Variants in FOXP2 observed in about 807,000 individuals in gnomAD.
FOXP2 encodes the protein forkhead box protein P2.
Under a neutral mutation model 115.8 loss-of-function variants are expected in FOXP2, and 12 were observed. The ratio of observed to expected loss-of-function variants is 0.10; its 90% CI spans 0.07 to 0.17. The LOEUF (loss-of-function observed/expected upper bound fraction) is 0.17, where lower values mean the gene tolerates loss of function less well. Among genes scored for constraint, FOXP2 ranks in the 10% least tolerant of loss-of-function variants. FOXP2 has a pLI of 1.00. For synonymous variants in FOXP2, 328 were observed against 297.7 expected, an observed-to-expected ratio of 1.10 and a Z score of -1.05; for missense variants, 629 against 843.5, an observed-to-expected ratio of 0.75 and a Z score of 3.15.
intron 2 of FOXP2, among the ~76,000 whole-genome samples, chr7:114,432,654 A>G (rs1188074984): frequency 1.3e-5 from 2 of 151,922 alleles, no homozygotes; most frequent in African/African-American, 4.8e-5. Context: ...ATTTACATTT[A>G]TCAAGTTTAA....
At chr7:114,398,219 A>G (rs529680478) in intron 2 of FOXP2, among the ~76,000 whole-genome samples, 119 of 152,304 alleles carry the variant, frequency 7.8e-4, no homozygotes, top group Non-Finnish European at 1.5e-3. Context: ...CAAAAATACC[A>G]TATGTAAAAT....
chr7:114,195,864 C>G (rs1033443587), intron 1 of FOXP2, among the ~76,000 whole-genome samples: 1 of 152,106 alleles, frequency 6.6e-6, no homozygotes, highest in African/African-American at 2.4e-5. Context: ...ACTCTATAGT[C>G]TCTGCTACTT....
intron 16 of FOXP2, among the ~76,000 whole-genome samples, chr7:114,672,013 A>G (rs750211750): frequency 8.5e-5 from 13 of 152,214 alleles, no homozygotes; most frequent in Non-Finnish European, 1.5e-4. Context: ...TATCATTAGA[A>G]TAGCATTAAA....
intron 3 of FOXP2, among the ~76,000 whole-genome samples, chr7:114,539,678 A>G (rs919531088): frequency 8.5e-5 from 13 of 152,072 alleles, no homozygotes; most frequent in African/African-American, 2.9e-4. Context: ...AGGCAAATTT[A>G]AAAGAATGTT....
intron 16 of FOXP2, among the ~76,000 whole-genome samples, chr7:114,680,042 T>A (rs997741722): frequency 6.6e-6 from 1 of 152,210 alleles, no homozygotes; most frequent in Non-Finnish European, 1.5e-5. Context: ...CTAGAGGTAC[T>A]TCAATTTCAG....
intron 1 of FOXP2, among the ~76,000 whole-genome samples, chr7:114,097,111 T>G (rs982444214): frequency 6.6e-6 from 1 of 152,216 alleles, no homozygotes; most frequent in Admixed American, 6.5e-5. Context: ...TATAATTGTT[T>G]TAAGCACTTT....
chr7:114,664,428 G>A lies in FOXP2; in HGVS notation c.1995G>A (p.Gln665=). Residue 665 remains glutamine (Q), a synonymous_variant, in exon 16 of 17, where the codon CAG becomes CAA. Transcript: ENST00000350908. The stretch of plus-strand genomic sequence containing the variant: ...ACAGTAGTCCGGGCTGCTCACCTCA[G>A]CCGCACATGTAAGTGTGGTTAACAG... The part of the protein sequence containing the change: ...NGNSSPGCSP[Q]PHIHSIHVKE... 1 of 1,613,378 alleles carries A rather than the reference G, an allele frequency of 6.2e-7. No individual in the cohort carries two copies. The highest frequency in any genetic ancestry group is 1.3e-5 in the African/African-American group (1 of 74,982).
intron 1 of FOXP2, among the ~76,000 whole-genome samples, chr7:114,416,786 C>T (rs940873197): frequency 6.6e-6 from 1 of 151,886 alleles, no homozygotes; most frequent in African/African-American, 2.4e-5. Context: ...TAATGATTAG[C>T]CTGTTGGTTT....
intron 2 of FOXP2, among the ~76,000 whole-genome samples, chr7:114,316,955 G>A (rs1797293309): frequency 6.6e-6 from 1 of 151,988 alleles, no homozygotes; most frequent in Non-Finnish European, 1.5e-5. Context: ...CAACTTCTGG[G>A]TCCATACAAA....
intron 2 of FOXP2, among the ~76,000 whole-genome samples, chr7:114,432,965 C>A (rs1201676724): frequency 1.3e-5 from 2 of 151,888 alleles, no homozygotes; most frequent in African/African-American, 4.8e-5. Context: ...ATTTACAGTT[C>A]ACTCCTGCAG....
At position 114,691,302 on chromosome 7, in the gene FOXP2, G is replaced by T. The variant is rs759769611; in HGVS notation, c.*1376G>T. 2.2e-6 allele frequency: 1 copy of T among 452,804 alleles called. No individual in the cohort carries two copies. The highest frequency in any genetic ancestry group is 1.6e-5 in the South Asian group (1 of 64,128). 28.0% of individuals were successfully genotyped at this position (452,804 alleles called of 1,614,324 possible). A position where few individuals can be genotyped will look rare whatever the true frequency, so the allele number is the denominator to read the frequency against. On this transcript the variant is annotated 3_prime_UTR_variant, in exon 17 of 17. Transcript: ENST00000350908. ...AAAAAGTAGGAACCAAACATAAAAG[G>T]TCTAGTAAAGCCAAAAATTAATTTC... is the stretch of plus-strand genomic sequence containing the variant.
chr7:114,446,908 C>T (rs1794859933), intron 2 of FOXP2, among the ~76,000 whole-genome samples: 1 of 151,928 alleles, frequency 6.6e-6, no homozygotes, highest in African/African-American at 2.4e-5. Flanking sequence ...GCCAACACAC[C>T]TGGCTAATTT....
intron 2 of FOXP2, among the ~76,000 whole-genome samples, chr7:114,348,216 G>T (rs897910650): frequency 4.6e-5 from 7 of 151,956 alleles, no homozygotes; most frequent in African/African-American, 1.7e-4. Context: ...ATTAATAATA[G>T]ATTAGATCTT....
At chr7:114,490,533 T>A (rs981225832) in intron 2 of FOXP2, among the ~76,000 whole-genome samples, 4 of 152,046 alleles carry the variant, frequency 2.6e-5, no homozygotes, top group African/African-American at 9.7e-5. Context: ...ACTTTAAGTT[T>A]TAGGGTACAT....
intron 1 of FOXP2, among the ~76,000 whole-genome samples, chr7:114,225,004 A>G (rs1337287816): frequency 6.6e-6 from 1 of 152,128 alleles, no homozygotes; most frequent in Non-Finnish European, 1.5e-5. Flanking sequence ...TTAAATCTAA[A>G]TTACAGCTTG....
upstream of FOXP2, among the ~76,000 whole-genome samples, chr7:114,086,948 T>G (rs1375402613): frequency 6.6e-6 from 1 of 152,236 alleles, no homozygotes; most frequent in Non-Finnish European, 1.5e-5. Context: ...TGTTGCTTCG[T>G]CCGGAGAGAC....
intron 2 of FOXP2, among the ~76,000 whole-genome samples, chr7:114,441,007 A>T (rs1387493523): frequency 6.6e-6 from 1 of 152,220 alleles, no homozygotes; most frequent in Admixed American, 6.5e-5. Context: ...GCACAGCAAG[A>T]TGCACAGGCT....
chr7:114,527,472 G>A (rs1312900349), intron 2 of FOXP2, among the ~76,000 whole-genome samples: 1 of 151,592 alleles, frequency 6.6e-6, no homozygotes, highest in East Asian at 1.9e-4. Context: ...CTGCAGTTTG[G>A]GGTCTTGACT....
chr7:114,258,543 A>G (rs1584586112), intron 1 of FOXP2, among the ~76,000 whole-genome samples: 1 of 152,232 alleles, frequency 6.6e-6, no homozygotes, highest in East Asian at 1.9e-4. Flanking sequence ...CAAAAGAGCA[A>G]TAAGGACATT....
Sources: gnomAD v4.1 joint callset for allele counts (sites outside exome capture counted in the v4.1 genomes callset) on GRCh38, gnomAD v4.1.1 for gene constraint, MANE v1.5 for transcripts, NCBI Gene and HGNC (gene_info 2026-07-23, HGNC 2026-07-21) for gene names.